The following FREM2 variants were observed in gnomAD, a reference collection of about 807,000 sequenced individuals.
FREM2 encodes the protein FRAS1 related extracellular matrix 2, also known as FRAS1-related extracellular matrix protein 2.
Under a neutral mutation model 219.9 loss-of-function variants are expected in FREM2, and 119 were observed. The observed-to-expected ratio is 0.54, with a 90% CI of 0.47 to 0.63. The LOEUF is 0.63. FREM2 is among the 30% of genes least tolerant of loss of function. The probability of loss-of-function intolerance (pLI) is 0.00; values close to 1 mark genes in which losing one functional copy is unlikely to be tolerated. For missense variants in FREM2, 4,030 were observed against 3,993.6 expected (o/e 1.01, Z -0.25); for synonymous variants, 1,562 against 1,522.8 (o/e 1.03, Z -0.60).
chr13:38,839,225 G>A (rs1876842276), intron 6 of FREM2, among the ~76,000 whole-genome samples: 2 of 152,166 alleles, frequency 1.3e-5, no homozygotes, highest in African/African-American at 4.8e-5. Context: ...TCCCTCTTCT[G>A]CAGTTCTGCT....
intron 6 of FREM2, among the ~76,000 whole-genome samples, chr13:38,785,786 T>C (rs1874304012): frequency 6.6e-6 from 1 of 152,234 alleles, no homozygotes; most frequent in Non-Finnish European, 1.5e-5. Context: ...TTATTGGATC[T>C]TTGTATTTCT....
chr13:38,695,832 A>G (rs1178469573), intron 1 of FREM2, among the ~76,000 whole-genome samples: 1 of 152,222 alleles, frequency 6.6e-6, no homozygotes, highest in Non-Finnish European at 1.5e-5. Context: ...CTACCTACTC[A>G]GCCTTTTCAT....
intron 2 of FREM2, among the ~76,000 whole-genome samples, chr13:38,744,421 T>C (rs1872380119): frequency 6.6e-6 from 1 of 151,730 alleles, no homozygotes; most frequent in Admixed American, 6.6e-5. Flanking sequence ...CCAGGCTGAT[T>C]GCAAATCTTA....
chr13:38,745,966 C>G (rs1872463814), intron 2 of FREM2, among the ~76,000 whole-genome samples: 1 of 152,120 alleles, frequency 6.6e-6, no homozygotes, highest in Non-Finnish European at 1.5e-5. Flanking sequence ...CTTTCTAGTT[C>G]ATGTAATTTC....
intron 2 of FREM2, among the ~76,000 whole-genome samples, chr13:38,739,216 A>T (rs886820209): frequency 1.3e-5 from 2 of 152,218 alleles, no homozygotes; most frequent in African/African-American, 4.8e-5. Flanking sequence ...TTTTAAAATG[A>T]TTGAATGTAA....
intron 2 of FREM2, among the ~76,000 whole-genome samples, chr13:38,727,309 C>T (rs183510365): frequency 5.7e-4 from 87 of 151,796 alleles, no homozygotes; most frequent in South Asian, 2.1e-3. Context: ...ATGGTGAAAC[C>T]CCGTCTCTAT....
At chr13:38,711,317 A>G (rs1407030592) in intron 2 of FREM2, among the ~76,000 whole-genome samples, 2 of 152,202 alleles carry the variant, frequency 1.3e-5, no homozygotes, top group Non-Finnish European at 2.9e-5. Flanking sequence ...TGTTTCATTT[A>G]ATGTAGGATG....
chr13:38,703,288 T>C (rs1175084274), intron 2 of FREM2, among the ~76,000 whole-genome samples: 2 of 152,102 alleles, frequency 1.3e-5, no homozygotes, highest in Non-Finnish European at 2.9e-5. Flanking sequence ...TATACAGACA[T>C]ATTCAGCTCA....
intron 2 of FREM2, among the ~76,000 whole-genome samples, chr13:38,722,236 T>C (rs765534956): frequency 6.6e-6 from 1 of 152,028 alleles, no homozygotes; most frequent in Non-Finnish European, 1.5e-5. Flanking sequence ...AACAAAAAAA[T>C]TAATACAGAG....
intron 6 of FREM2, among the ~76,000 whole-genome samples, chr13:38,792,861 G>A (rs902267937): frequency 3.9e-5 from 6 of 152,114 alleles, no homozygotes; most frequent in Non-Finnish European, 8.8e-5. Flanking sequence ...AAACAAAGTA[G>A]ACAATAAATT....
chr13:38,839,777 A>G (rs1054863822), intron 6 of FREM2, among the ~76,000 whole-genome samples: 2 of 152,108 alleles, frequency 1.3e-5, no homozygotes, highest in Non-Finnish European at 2.9e-5. Flanking sequence ...CGCCTACTCA[A>G]GCCTCAATAA....
intron 2 of FREM2, among the ~76,000 whole-genome samples, chr13:38,725,141 T>A (rs1871462674): frequency 6.6e-6 from 1 of 152,246 alleles, no homozygotes; most frequent in African/African-American, 2.4e-5. Flanking sequence ...GTAATCTATA[T>A]GTGCAAATAG....
intron 2 of FREM2, among the ~76,000 whole-genome samples, chr13:38,737,491 T>C (rs1054943415): frequency 2.0e-5 from 3 of 152,226 alleles, no homozygotes; most frequent in Non-Finnish European, 2.9e-5. Context: ...TTTGTTTTGA[T>C]CTGTGAGGTA....
In FREM2 at chr13:38,881,828, C is replaced by T. The variant is rs9548521; in HGVS notation, c.*1041C>T. 0.077 allele frequency: 11,700 copies of T among 152,252 alleles called. 781 individuals are homozygous for T. Among genetic ancestry groups the T allele is most frequent in the Admixed American group, 0.2 (3,010 of 15,280 alleles). 9.4% of individuals were successfully genotyped at this position (152,252 alleles called of 1,614,324 possible). A position where few individuals can be genotyped will look rare whatever the true frequency, so the allele number is the denominator to read the frequency against. Reference sequence around the variant, plus strand: ...CATTTTGACAGATGAGGTTATCCCTCGGAGTAGCGTAATCACACAATAACA... The same window carrying T: ...CATTTTGACAGATGAGGTTATCCCTTGGAGTAGCGTAATCACACAATAACA... On this transcript the variant is annotated 3_prime_UTR_variant, in exon 24 of 24. Coordinates refer to ENST00000280481, the MANE Select transcript of FREM2 (RefSeq NM_207361.6).
intron 4 of FREM2, among the ~76,000 whole-genome samples, chr13:38,782,718 T>G (rs1874165863): frequency 1.3e-5 from 2 of 152,228 alleles, no homozygotes; most frequent in African/African-American, 4.8e-5. Flanking sequence ...TGAGGTCATT[T>G]CCACCTCTCA....
intron 2 of FREM2, among the ~76,000 whole-genome samples, chr13:38,748,850 CTA>C (rs1872587260): frequency 6.6e-6 from 1 of 152,074 alleles, no homozygotes; most frequent in African/African-American, 2.4e-5. Flanking sequence ...GCTGTGAGCT[CTA>C]TGTTTTTGGA....
chr13:38,801,164 A>T (rs1874993215), intron 6 of FREM2, among the ~76,000 whole-genome samples: 1 of 152,208 alleles, frequency 6.6e-6, no homozygotes, highest in Non-Finnish European at 1.5e-5. Context: ...CATTCAGTGA[A>T]TTCCTCAGTT....
chr13:38,775,794 T>G (rs900717426), intron 4 of FREM2, among the ~76,000 whole-genome samples: 1 of 152,096 alleles, frequency 6.6e-6, no homozygotes, highest in Admixed American at 6.6e-5. Context: ...AATTTTTGTA[T>G]TTTTAGTAGA....
chr13:38,732,855 C>A (rs542265804), intron 2 of FREM2, among the ~76,000 whole-genome samples: 1 of 152,250 alleles, frequency 6.6e-6, no homozygotes, highest in East Asian at 1.9e-4. Flanking sequence ...TCTTGCAGAG[C>A]TTAGGAGCCT....
Sources: allele counts gnomAD v4.1 joint callset (sites outside exome capture counted in the v4.1 genomes callset), GRCh38; gene constraint gnomAD v4.1.1; transcripts MANE v1.5; gene names NCBI Gene and HGNC (gene_info 2026-07-23, HGNC 2026-07-21).